Variants in CHSY3 observed in about 807,000 individuals in gnomAD.
CHSY3 encodes the protein N-acetylgalactosaminyl-proteoglycan 3-beta-glucuronosyltransferase 3.
Under a neutral mutation model 67.2 loss-of-function variants are expected in CHSY3, and 35 were observed. The ratio of observed to expected loss-of-function variants is 0.52; its 90% confidence interval spans 0.40 to 0.69. CHSY3 has a LOEUF of 0.69. Among genes scored for constraint, CHSY3 ranks in the 30% least tolerant of loss-of-function variants. CHSY3 has a pLI of 0.00. For synonymous variants in CHSY3, 474 were observed against 434.7 expected (o/e 1.09, Z -1.12); for missense variants, 1,069 against 1,138.5 (o/e 0.94, Z 0.88).
intron 2 of CHSY3, among the ~76,000 whole-genome samples, chr5:130,055,375 C>A (rs913751802): frequency 6.6e-6 from 1 of 150,894 alleles, no homozygotes; most frequent in Non-Finnish European, 1.5e-5. Context: ...GTTTATGATA[C>A]GTGGCTACAA....
intron 2 of CHSY3, among the ~76,000 whole-genome samples, chr5:130,026,013 G>C (rs190339759): frequency 1.6e-4 from 24 of 152,270 alleles, no homozygotes; most frequent in Admixed American, 1.5e-3. Context: ...TTAGGTAAGA[G>C]ATTCTGGTGA....
intron 2 of CHSY3, among the ~76,000 whole-genome samples, chr5:130,036,547 G>A (rs1764868009): frequency 6.6e-6 from 1 of 152,102 alleles, no homozygotes; most frequent in African/African-American, 2.4e-5. Context: ...TGCAAAGGTT[G>A]CTGGAAAAGT....
intron 2 of CHSY3, among the ~76,000 whole-genome samples, chr5:129,919,567 C>T (rs1760850078): frequency 6.6e-6 from 1 of 152,078 alleles, no homozygotes; most frequent in Non-Finnish European, 1.5e-5. Context: ...AGAATGAGAA[C>T]CAAGTGAAAG....
chr5:130,177,575 C>T (rs60051450), intron 2 of CHSY3, among the ~76,000 whole-genome samples: 8,841 of 152,082 alleles, frequency 0.058, 845 homozygotes, highest in African/African-American at 0.2. Context: ...TTTGAAATGA[C>T]TATTTGATTA....
chr5:130,059,119 G>A (rs1193628735), intron 2 of CHSY3, among the ~76,000 whole-genome samples: 1 of 152,166 alleles, frequency 6.6e-6, no homozygotes, highest in Non-Finnish European at 1.5e-5. Flanking sequence ...TCTGTAAAAT[G>A]TGGATGGGCC....
At chr5:129,945,963 A>G (rs1044557980) in intron 2 of CHSY3, among the ~76,000 whole-genome samples, 1 of 152,150 alleles carries the variant, frequency 6.6e-6, no homozygotes, top group African/African-American at 2.4e-5. Context: ...ATTTTGAGTA[A>G]AGTGAACCTA....
intron 2 of CHSY3, among the ~76,000 whole-genome samples, chr5:130,093,575 T>C (rs1766947538): frequency 6.6e-6 from 1 of 152,194 alleles, no homozygotes; most frequent in Non-Finnish European, 1.5e-5. Flanking sequence ...TTTGCTTACT[T>C]ATTACAACAA....
intron 2 of CHSY3, among the ~76,000 whole-genome samples, chr5:129,987,642 G>A (rs747860787): frequency 5.9e-5 from 9 of 152,146 alleles, no homozygotes; most frequent in Non-Finnish European, 1.0e-4. Context: ...GTTGGTTTTA[G>A]TTCCCTTCAA....
At chr5:130,097,545 A>T (rs997431817) in intron 2 of CHSY3, among the ~76,000 whole-genome samples, 1 of 152,124 alleles carries the variant, frequency 6.6e-6, no homozygotes, top group Non-Finnish European at 1.5e-5. Flanking sequence ...CTATCTTTTG[A>T]GCTTCCCTCT....
At position 130,183,243 on chromosome 5, in the gene CHSY3, A is replaced by T. The variant is rs577611010; in HGVS notation, c.1087-986A>T. Among the ~76,000 whole-genome samples, 6 of 151,096 alleles carry T rather than the reference A, an allele frequency of 4.0e-5. No homozygotes were observed. The South Asian group carries it at 6.3e-4, about 16-fold the overall frequency. Reference sequence around the variant, plus strand: ...TTGAACTTTGTCCTCATAACTACATATTTTTTTTCATTTTTGTTTCTGCCT... The same window carrying T: ...TTGAACTTTGTCCTCATAACTACATTTTTTTTTTCATTTTTGTTTCTGCCT... On this transcript the variant is annotated intron_variant, in intron 2 of 2. Coordinates refer to ENST00000305031, the MANE Select transcript of CHSY3 (RefSeq NM_175856.5).
chr5:130,046,863 G>T (rs1433781372), intron 2 of CHSY3, among the ~76,000 whole-genome samples: 1 of 151,710 alleles, frequency 6.6e-6, no homozygotes, highest in East Asian at 1.9e-4. Flanking sequence ...AAAGTTCAGT[G>T]TATTCAATTG....
chr5:130,113,322 A>C (rs142057786), intron 2 of CHSY3, among the ~76,000 whole-genome samples: 39 of 152,234 alleles, frequency 2.6e-4, no homozygotes, highest in African/African-American at 8.7e-4. Context: ...CAGAGCATAG[A>C]TCTTTAGTTG....
chr5:130,032,247 T>C (rs1220834049), intron 2 of CHSY3, among the ~76,000 whole-genome samples: 1 of 152,196 alleles, frequency 6.6e-6, no homozygotes, highest in Admixed American at 6.5e-5. Context: ...ATATTATAGA[T>C]GTGAGATATC....
chr5:130,127,761 C>A (rs1768341439), intron 2 of CHSY3, among the ~76,000 whole-genome samples: 1 of 152,096 alleles, frequency 6.6e-6, no homozygotes, highest in African/African-American at 2.4e-5. Context: ...GTTTCTGGTG[C>A]TTTTTCTCCA....
At chr5:129,953,449 T>C (rs1213449646) in intron 2 of CHSY3, among the ~76,000 whole-genome samples, 1 of 152,176 alleles carries the variant, frequency 6.6e-6, no homozygotes, top group Non-Finnish European at 1.5e-5. Context: ...TGTGTGTGCA[T>C]GTGTCTTTAT....
chr5:130,182,821 T>G (rs1428164175), intron 2 of CHSY3, among the ~76,000 whole-genome samples: 2 of 152,100 alleles, frequency 1.3e-5, no homozygotes, highest in East Asian at 3.9e-4. Context: ...TCTTCCTACG[T>G]TTTTCACAAA....
At chr5:129,925,887 A>G (rs10478902) in intron 2 of CHSY3, among the ~76,000 whole-genome samples, 5 of 112,546 alleles carry the variant, frequency 4.4e-5, no homozygotes, top group Non-Finnish European at 8.7e-5. Context: ...ATGTGTGTGT[A>G]TATATGTGTG....
At chr5:130,071,537 TTGTG>T (rs3065054) in intron 2 of CHSY3, among the ~76,000 whole-genome samples, 3,323 of 141,864 alleles carry the variant, frequency 0.023, 68 homozygotes, top group African/African-American at 0.056. Flanking sequence ...TAGTAGTTCA[TTGTG>T]TGTGTGTGTG....
chr5:130,138,851 T>C lies in CHSY3; in HGVS notation c.1087-45378T>C, dbSNP rs1580772612. 2.0e-5 allele frequency among the ~76,000 whole-genome samples: 3 copies of C among 152,292 alleles called. No homozygotes were observed. In the East Asian group the frequency reaches 5.8e-4, roughly 29 times the overall value. On this transcript the variant is annotated intron_variant, in intron 2 of 2. Transcript: ENST00000305031. ...TTAAAGTAGAGCAATGATGAGACTA[T>C]TAAAAATAATATAGTCATGTGTCCC...
Sources: gnomAD v4.1 joint callset for allele counts (sites outside exome capture counted in the v4.1 genomes callset) on GRCh38, gnomAD v4.1.1 for gene constraint, MANE v1.5 for transcripts, NCBI Gene and HGNC (gene_info 2026-07-23, HGNC 2026-07-21) for gene names.